Variants in FCHO2 observed in about 807,000 individuals in gnomAD.
FCHO2 encodes the protein FCH and mu domain containing endocytic adaptor 2.
FCHO2 carries 43 observed loss-of-function variants against 114.1 expected under a neutral mutation model. The observed-to-expected ratio is 0.38, with a 90% confidence interval of 0.30 to 0.49. The LOEUF is 0.49. Ranked by LOEUF, FCHO2 falls within the 20% of genes least tolerant of loss-of-function variation. The pLI is 0.97. For missense variants in FCHO2, 807 were observed against 950.4 expected (o/e 0.85, Z 1.98); for synonymous variants, 293 against 315.2 (o/e 0.93, Z 0.75).
intron 22 of FCHO2, among the ~76,000 whole-genome samples, chr5:73,078,718 G>A (rs559168734): frequency 1.3e-5 from 2 of 152,232 alleles, no homozygotes; most frequent in Non-Finnish European, 2.9e-5. Context: ...ATAAATACTG[G>A]GAAAGAGGAA....
chr5:72,977,927 G>T (rs1752974644), intron 2 of FCHO2, among the ~76,000 whole-genome samples: 1 of 152,136 alleles, frequency 6.6e-6, no homozygotes, highest in Admixed American at 6.5e-5. Flanking sequence ...TCAGATGGTT[G>T]TAGATTTGTG....
At chr5:73,071,532 C>T (rs1490710891) in intron 19 of FCHO2, among the ~76,000 whole-genome samples, 1 of 151,948 alleles carries the variant, frequency 6.6e-6, no homozygotes, top group Non-Finnish European at 1.5e-5. Context: ...TTTATAAGCT[C>T]TCTACATTTT....
chr5:72,956,315 GCAGC>G (rs1365748028), intron 1 of FCHO2, among the ~76,000 whole-genome samples, 186 bp downstream of exon 1: 1 of 151,674 alleles, frequency 6.6e-6, no homozygotes, highest in African/African-American at 2.4e-5. Flanking sequence ...TCCCGGGCTC[GCAGC>G]CCTATGGGGA....
intron 1 of FCHO2, among the ~76,000 whole-genome samples, chr5:72,961,159 T>G (rs1056926189): frequency 7.2e-5 from 11 of 152,152 alleles, no homozygotes; most frequent in Non-Finnish European, 1.2e-4. Context: ...AGAATTAAAA[T>G]GTATTTTAAA....
At chr5:72,962,247 A>G (rs886776281) in intron 1 of FCHO2, among the ~76,000 whole-genome samples, 1 of 152,168 alleles carries the variant, frequency 6.6e-6, no homozygotes, top group Admixed American at 6.5e-5. Context: ...GGAGGATTTT[A>G]GAACTTTGAC....
chr5:73,047,471 A>G (rs1305345116), intron 11 of FCHO2, among the ~76,000 whole-genome samples: 1 of 151,964 alleles, frequency 6.6e-6, no homozygotes, highest in African/African-American at 2.4e-5. Context: ...TAAAAGTTAT[A>G]ATACTATATA....
intron 8 of FCHO2, among the ~76,000 whole-genome samples, chr5:73,030,068 G>A (rs1041597668): frequency 2.8e-5 from 4 of 144,800 alleles, no homozygotes; most frequent in Admixed American, 1.4e-4. Context: ...TTGAGACAGA[G>A]TCTTGCCCTG....
chr5:73,044,956 A>G (rs1474973272), intron 11 of FCHO2, among the ~76,000 whole-genome samples: 1 of 152,188 alleles, frequency 6.6e-6, no homozygotes, highest in Non-Finnish European at 1.5e-5. Context: ...GAACACAGGT[A>G]ATGGGTACGT....
rs536522921 is a variant in FCHO2, at chr5:73,028,543, A to G, written c.797-6114A>G. 3.3e-5 allele frequency among the ~76,000 whole-genome samples: 5 copies of G among 152,302 alleles called. No homozygotes were observed. The South Asian group carries it at 1.0e-3, about 32-fold the overall frequency. ...GCAGTGAAGTACTACTCAACAATAA[A>G]AATTAATAAACTACTGATACATGCA... is the stretch of plus-strand genomic sequence containing the variant. On this transcript the variant is annotated intron_variant, in intron 8 of 25. Transcript: ENST00000430046.
At chr5:72,962,008 C>G (rs1324465381) in intron 1 of FCHO2, among the ~76,000 whole-genome samples, 2 of 152,100 alleles carry the variant, frequency 1.3e-5, no homozygotes. Context: ...CAACTTGTTC[C>G]CATTGCAACA....
At chr5:72,992,858 A>C (rs1257959647) in intron 5 of FCHO2, among the ~76,000 whole-genome samples, 1 of 152,142 alleles carries the variant, frequency 6.6e-6, no homozygotes, top group African/African-American at 2.4e-5. Flanking sequence ...GTGAGCATAA[A>C]GTATAAAGCA....
chr5:72,959,931 C>T (rs1751762387), intron 1 of FCHO2, among the ~76,000 whole-genome samples: 1 of 152,180 alleles, frequency 6.6e-6, no homozygotes, highest in Non-Finnish European at 1.5e-5. Context: ...AGGTACAGGC[C>T]ACCATGACCA....
chr5:73,082,895 A>G (rs1743166760), intron 24 of FCHO2, 70 bp downstream of exon 24: 3 of 1,269,156 alleles, frequency 2.4e-6, no homozygotes, highest in Admixed American at 2.4e-5. Context: ...TTTTTTTTAA[A>G]ACAGAGTCTA....
intron 2 of FCHO2, among the ~76,000 whole-genome samples, chr5:72,989,086 T>G (rs1194942067): frequency 6.6e-6 from 1 of 152,132 alleles, no homozygotes. Flanking sequence ...GGGGCATGCT[T>G]GTAGTGTGAG....
At chr5:72,994,065 C>T (rs577372373) in intron 5 of FCHO2, among the ~76,000 whole-genome samples, 12 of 152,108 alleles carry the variant, frequency 7.9e-5, no homozygotes, top group Non-Finnish European at 1.5e-4. Flanking sequence ...CCATTCTGGA[C>T]ATAGGAATGG....
chr5:73,031,906 G>A (rs926695076), intron 8 of FCHO2, among the ~76,000 whole-genome samples: 1 of 152,314 alleles, frequency 6.6e-6, no homozygotes, highest in East Asian at 1.9e-4. Flanking sequence ...AATTAATTGA[G>A]TCTAAAACAG....
intron 2 of FCHO2, among the ~76,000 whole-genome samples, chr5:72,984,754 T>G (rs1753412455): frequency 6.6e-6 from 1 of 152,102 alleles, no homozygotes; most frequent in African/African-American, 2.4e-5. Flanking sequence ...CACTCCAGCC[T>G]CCCAAGTAGC....
chr5:73,066,265 T>C (rs1294749356), intron 18 of FCHO2, among the ~76,000 whole-genome samples: 1 of 151,990 alleles, frequency 6.6e-6, no homozygotes, highest in Non-Finnish European at 1.5e-5. Context: ...CAGGGAGCAC[T>C]ATTTTAAGTG....
intron 1 of FCHO2, among the ~76,000 whole-genome samples, chr5:72,961,192 G>A (rs1751841287): frequency 6.6e-6 from 1 of 151,984 alleles, no homozygotes; most frequent in South Asian, 2.1e-4. Flanking sequence ...CTATTAATAG[G>A]TCTTTGGGAT....
Sources: gnomAD v4.1 joint callset for allele counts (sites outside exome capture counted in the v4.1 genomes callset) on GRCh38, gnomAD v4.1.1 for gene constraint, MANE v1.5 for transcripts, NCBI Gene and HGNC (gene_info 2026-07-23, HGNC 2026-07-21) for gene names.